The following NTSR1 variants were observed in gnomAD, a reference collection of about 807,000 sequenced individuals.
NTSR1 encodes neurotensin receptor 1.
NTSR1 carries 29 observed loss-of-function variants against 31.2 expected under a neutral mutation model. That is an observed-to-expected ratio of 0.93 (90% CI 0.69 to 1.27). The LOEUF is 1.27. Among genes scored for constraint, NTSR1 ranks in the 50% most tolerant of loss-of-function variants. The pLI is 0.00. For missense variants in NTSR1, 697 were observed against 595.4 expected, an observed-to-expected ratio of 1.17 and a Z score of -1.78; for synonymous variants, 282 against 269.9, an observed-to-expected ratio of 1.04 and a Z score of -0.44.
rs149738136 is a variant in NTSR1 at position 62,714,719 on chromosome 20, T to A, written c.714+4798T>A. Among the ~76,000 whole-genome samples, 1 of 152,090 alleles carries A rather than the reference T, an allele frequency of 6.6e-6. No individual in the cohort carries two copies. The highest frequency in any genetic ancestry group is 6.5e-5 in the Admixed American group (1 of 15,282). On this transcript the variant is annotated intron_variant, in intron 1 of 3. Transcript: ENST00000370501. This position sits in a 1 kb window ranked among gnomAD's most constrained non-coding sequence, Gnocchi z 4.1. ...CAAAACCCAGACCACAAGAAACAGC[T>A]CCAAATAAACAACTCGTTCTGTTCT...
intron 2 of NTSR1, chr20:62,756,817 T>C (rs1050265251): frequency 8.5e-5 from 13 of 152,262 alleles, no homozygotes; most frequent in African/African-American, 3.1e-4. Flanking sequence ...GTTGTGGTTT[T>C]GATTTGCATT....
Position 62,709,333 on chromosome 20 carries a change from G to T in NTSR1, c.126G>T (p.Ala42=), listed in dbSNP as rs796663462. 5 of 1,609,002 alleles carry T rather than the reference G, an allele frequency of 3.1e-6. No individual in the cohort carries two copies. The African/African-American group carries it at 6.7e-5, about 21-fold the overall frequency. The part of the protein sequence containing the change: ...APGFGNASGN[A]SERVLAAPSS... ...GCTTCGGCAACGCTTCGGGCAACGC[G>T]TCGGAGCGCGTCCTGGCGGCACCCA... The change falls in exon 1 of 4, where the codon GCG becomes GCT. Residue 42 remains alanine, a synonymous_variant. Coordinates refer to ENST00000370501, the MANE Select transcript of NTSR1 (RefSeq NM_002531.3).
At chr20:62,754,319 C>T (rs557800966) in intron 1 of NTSR1, among the ~76,000 whole-genome samples, 24 of 152,318 alleles carry the variant, frequency 1.6e-4, no homozygotes, top group Non-Finnish European at 2.2e-4. Flanking sequence ...GCCATGCACA[C>T]AACATGTCCA....
rs540430631 is a variant in NTSR1, at chr20:62,711,341, C to T, written c.714+1420C>T. ...GTAGGCACGGCCTGTGGGGTAAACA[C>T]AGTGAGAAATGACCTCTCCCTCCCT... On this transcript the variant is annotated intron_variant, in intron 1 of 3. Coordinates refer to ENST00000370501, the MANE Select transcript of NTSR1 (RefSeq NM_002531.3). The surrounding 1 kb of genome is among the most constrained non-coding windows in gnomAD (Gnocchi z 6.4). Among the ~76,000 whole-genome samples the T allele has an allele frequency of 2.3e-3, 349 of 152,278 alleles. 1 individual carries two copies. The highest frequency in any genetic ancestry group is 7.9e-3 in the African/African-American group (330 of 41,552).
Position 62,724,388 on chromosome 20 carries a change from C to T in NTSR1, c.714+14467C>T, listed in dbSNP as rs560946495. The stretch of plus-strand genomic sequence containing the variant: ...AGGGTCCCCAAGGCCCCTACCCTGG[C>T]GAACCTGCCACAGACTAGAAGCGGG... On this transcript the variant is annotated intron_variant, in intron 1 of 3. Transcript: ENST00000370501. Among the ~76,000 whole-genome samples the T allele has an allele frequency of 6.6e-5, 10 of 152,234 alleles. No individual in the cohort carries two copies. In the South Asian group the frequency reaches 1.5e-3, roughly 22 times the overall value.
chr20:62,753,139 C>T (rs976319747), intron 1 of NTSR1, among the ~76,000 whole-genome samples: 13 of 152,190 alleles, frequency 8.5e-5, no homozygotes, highest in Non-Finnish European at 1.6e-4. Flanking sequence ...AAACTCAGGC[C>T]GCCTCCTTCC....
chr20:62,711,246 T>C lies in NTSR1; in HGVS notation c.714+1325T>C, dbSNP rs1333754968. ...TCGGGGAGGCCCCTCCCACAGACAC[T>C]GGTGGCAGGCAGTGAGTCAGGGCTG... On this transcript the variant is annotated intron_variant, in intron 1 of 3. Coordinates refer to ENST00000370501, the MANE Select transcript of NTSR1 (RefSeq NM_002531.3). This position sits in a 1 kb window ranked among gnomAD's most constrained non-coding sequence, Gnocchi z 6.4. 6.6e-6 allele frequency among the ~76,000 whole-genome samples: 1 copy of C among 152,060 alleles called. No homozygotes were observed. The highest frequency in any genetic ancestry group is 1.5e-5 in the Non-Finnish European group (1 of 67,998).
In NTSR1 at chr20:62,709,199, G is replaced by C; in HGVS notation, c.-9G>C. ...GCGCCGGACAGAGCCGCGGACTCCA[G>C]CGCCCACCATGCGCCTCAACAGCTC... On this transcript the variant is annotated 5_prime_UTR_variant, in exon 1 of 4. Transcript: ENST00000370501. The C allele has an allele frequency of 7.0e-7, 1 of 1,426,960 alleles. No individual in the cohort carries two copies. The highest frequency in any genetic ancestry group is 9.1e-7 in the Non-Finnish European group (1 of 1,099,454). The allele number at this position is 1,426,960 out of a possible 1,614,324, so 88.4% of individuals were successfully genotyped here. A position where few individuals can be genotyped will look rare whatever the true frequency, so the allele number is the denominator to read the frequency against.
chr20:62,754,908 CA>C (rs1989458582), intron 2 of NTSR1, 22 bp downstream of exon 2: 3 of 1,566,564 alleles, frequency 1.9e-6, no homozygotes, highest in Admixed American at 3.6e-5. Flanking sequence ...CTGGGCCCTC[CA>C]GGGGCGGGAG....
Position 62,709,300 on chromosome 20 carries a change from G to T in NTSR1, c.93G>T (p.Leu31=), listed in dbSNP as rs748302553. The part of the protein sequence containing the change: ...RAQAGLEEAL[L]APGFGNASGN... ...AGGCCGGACTGGAGGAGGCGCTGCT[G>T]GCCCCGGGCTTCGGCAACGCTTCGG... The change falls in exon 1 of 4, where the codon CTG becomes CTT. Residue 31 remains leucine, a synonymous_variant. Transcript: ENST00000370501. The T allele has an allele frequency of 6.3e-7, 1 of 1,599,424 alleles. No homozygotes were observed. The highest frequency in any genetic ancestry group is 1.1e-5 in the South Asian group (1 of 89,976).
At chr20:62,710,854 G>A (rs1390067913) in intron 1 of NTSR1, among the ~76,000 whole-genome samples, 1 of 152,192 alleles carries the variant, frequency 6.6e-6, no homozygotes, top group Non-Finnish European at 1.5e-5. Context: ...AGCCTTAGAA[G>A]TGTGGGGTTT....
At chr20:62,719,123 C>CA (rs34268973) in intron 1 of NTSR1, among the ~76,000 whole-genome samples, 48,272 of 142,022 alleles carry the variant, frequency 0.34, 8,150 homozygotes, top group Middle Eastern at 0.43. Flanking sequence ...TTTTTTCTTT[C>CA]AAAAAAAAAA....
Position 62,717,883 on chromosome 20 carries a change from C to G in NTSR1, c.714+7962C>G, listed in dbSNP as rs185029980. On this transcript the variant is annotated intron_variant, in intron 1 of 3. Coordinates refer to ENST00000370501, the MANE Select transcript of NTSR1 (RefSeq NM_002531.3). ...ACAGAAAATAAGCGAAATAAATAGG[C>G]ACCATACATGGCCGGCAAGGAGTAA... Among the ~76,000 whole-genome samples, 393 of 152,288 alleles carry G rather than the reference C, an allele frequency of 2.6e-3. 1 individual carries two copies. Among genetic ancestry groups the G allele is most frequent in the Middle Eastern group, 0.01 (3 of 294 alleles).
At chr20:62,720,394 C>T (rs1988810754) in intron 1 of NTSR1, among the ~76,000 whole-genome samples, 1 of 152,164 alleles carries the variant, frequency 6.6e-6, no homozygotes, top group South Asian at 2.1e-4. Flanking sequence ...AGGAATTGGT[C>T]CATATAATCT....
intron 1 of NTSR1, among the ~76,000 whole-genome samples, chr20:62,716,605 G>A (rs6062954): frequency 0.061 from 8,109 of 132,228 alleles, 491 homozygotes; most frequent in African/African-American, 0.15. Context: ...TCCTGCCTCC[G>A]TGAGTCTGTG....
chr20:62,713,465 C>T (rs774343694), intron 1 of NTSR1, among the ~76,000 whole-genome samples: 4 of 152,138 alleles, frequency 2.6e-5, no homozygotes, highest in African/African-American at 7.2e-5. Flanking sequence ...AAAGGAGAGG[C>T]GGCTGAGACA....
Position 62,758,844 on chromosome 20 carries a change from C to T in NTSR1, c.1007+488C>T, listed in dbSNP as rs1380442828. On this transcript the variant is annotated intron_variant, in intron 3 of 3. Transcript: ENST00000370501. The surrounding 1 kb of genome is among the most constrained non-coding windows in gnomAD (Gnocchi z 4.5). Reference sequence around the variant, plus strand: ...GAAAAGACACATGGAGTGGGGTCAGCGGAAGACCAGATGCAGCTTCCAGGG... The same window carrying T: ...GAAAAGACACATGGAGTGGGGTCAGTGGAAGACCAGATGCAGCTTCCAGGG... Among the ~76,000 whole-genome samples the T allele has an allele frequency of 1.3e-5, 2 of 152,146 alleles. No homozygotes were observed. The highest frequency in any genetic ancestry group is 4.8e-5 in the African/African-American group (2 of 41,416).
chr20:62,750,114 C>T (rs572863134), intron 1 of NTSR1, among the ~76,000 whole-genome samples: 3 of 152,310 alleles, frequency 2.0e-5, no homozygotes, highest in East Asian at 3.9e-4. Context: ...AGTGCTGCTC[C>T]GTCTTGAAAA....
At chr20:62,751,486 T>C (rs912827038) in intron 1 of NTSR1, among the ~76,000 whole-genome samples, 3 of 152,208 alleles carry the variant, frequency 2.0e-5, no homozygotes, top group African/African-American at 7.2e-5. Context: ...GCACAAACAA[T>C]GTCATGGGGT....
Sources: allele counts gnomAD v4.1 joint callset (sites outside exome capture counted in the v4.1 genomes callset), GRCh38; gene constraint gnomAD v4.1.1; non-coding constraint Gnocchi (gnomAD v3.1); transcripts MANE v1.5; gene names NCBI Gene and HGNC (gene_info 2026-07-23, HGNC 2026-07-21).